Variants in INSYN2B observed in about 807,000 individuals in gnomAD.
INSYN2B encodes inhibitory synaptic factor family member 2B.
A neutral mutation model predicts 41.2 loss-of-function variants in INSYN2B; 16 were observed. The observed-to-expected ratio is 0.39, with a 90% confidence interval of 0.26 to 0.59. INSYN2B has a LOEUF of 0.59. Ranked by LOEUF, INSYN2B falls within the 20% of genes least tolerant of loss-of-function variation. The probability of loss-of-function intolerance (pLI) is 0.57; values close to 1 mark genes in which losing one functional copy is unlikely to be tolerated. For missense variants in INSYN2B, 608 were observed against 646.4 expected, an observed-to-expected ratio of 0.94 and a Z score of 0.64; for synonymous variants, 245 against 244.4, an observed-to-expected ratio of 1.00 and a Z score of -0.02.
intron 1 of INSYN2B, among the ~76,000 whole-genome samples, chr5:169,918,127 C>G (rs1561821919): frequency 6.6e-6 from 1 of 152,194 alleles, no homozygotes; most frequent in Non-Finnish European, 1.5e-5. Flanking sequence ...TTAAAAATAT[C>G]CTGTTCAATT....
At chr5:169,914,288 TC>T (rs1774760263) in intron 1 of INSYN2B, among the ~76,000 whole-genome samples, 1 of 152,216 alleles carries the variant, frequency 6.6e-6, no homozygotes, top group African/African-American at 2.4e-5. Flanking sequence ...CCCCATTCTT[TC>T]TGATTCTTTC....
chr5:169,944,528 C>T (rs537114374), intron 1 of INSYN2B, among the ~76,000 whole-genome samples: 2 of 152,326 alleles, frequency 1.3e-5, no homozygotes, highest in South Asian at 4.1e-4. Context: ...ACCAGGGAGG[C>T]TTTGAAACTC....
chr5:169,932,512 C>A (rs1222039067), intron 1 of INSYN2B, among the ~76,000 whole-genome samples: 2 of 152,148 alleles, frequency 1.3e-5, no homozygotes, highest in Non-Finnish European at 2.9e-5. Context: ...CCTCATGGAG[C>A]CTCAGGAACA....
At position 169,945,683 on chromosome 5, in the gene INSYN2B, C is replaced by G. The variant is rs77468547; in HGVS notation, c.-919+34594G>C. 9.8e-3 allele frequency among the ~76,000 whole-genome samples: 1,485 copies of G among 152,282 alleles called. 75 individuals are homozygous for G. The East Asian group carries it at 0.13, about 14-fold the overall frequency. ...ACACGGGTACTAGGAAGGAGTAGAA[C>G]GGAGGCTGGATGTGCTCCTCCCGCT... On this transcript the variant is annotated intron_variant, in intron 1 of 3. Coordinates refer to ENST00000377365, the MANE Select transcript of INSYN2B (RefSeq NM_001129891.3).
At chr5:169,904,477 G>A (rs1001745510) in intron 1 of INSYN2B, among the ~76,000 whole-genome samples, 2 of 152,122 alleles carry the variant, frequency 1.3e-5, no homozygotes, top group Admixed American at 6.5e-5. Context: ...TAATGGGGGT[G>A]GTGGGGAAGG....
intron 1 of INSYN2B, among the ~76,000 whole-genome samples, chr5:169,891,470 T>C (rs1359849448): frequency 6.6e-6 from 1 of 152,200 alleles, no homozygotes; most frequent in African/African-American, 2.4e-5. Flanking sequence ...TATTTAACGA[T>C]TTTCAAAATT....
chr5:169,909,410 C>T (rs1244131455), intron 1 of INSYN2B, among the ~76,000 whole-genome samples: 1 of 152,058 alleles, frequency 6.6e-6, no homozygotes, highest in Non-Finnish European at 1.5e-5. Flanking sequence ...AGATGCTATC[C>T]AATTTGCAAT....
At chr5:169,901,449 A>C (rs1773918689) in intron 1 of INSYN2B, among the ~76,000 whole-genome samples, 2 of 152,096 alleles carry the variant, frequency 1.3e-5, no homozygotes, top group Admixed American at 6.6e-5. Context: ...GCATGCGTGC[A>C]TGTGTGTGTA....
chr5:169,926,023 C>T (rs997208933), intron 1 of INSYN2B, among the ~76,000 whole-genome samples: 10 of 152,140 alleles, frequency 6.6e-5, no homozygotes, highest in Admixed American at 3.9e-4. Flanking sequence ...GGCAGGATGT[C>T]GTCAGCTCTG....
At chr5:169,976,554 T>C (rs1319293852) in intron 1 of INSYN2B, among the ~76,000 whole-genome samples, 1 of 152,136 alleles carries the variant, frequency 6.6e-6, no homozygotes, top group Admixed American at 6.5e-5. Context: ...CATCTCATCA[T>C]ATACTTTAGA....
At chr5:169,872,100 G>A (rs186622688) in intron 3 of INSYN2B, among the ~76,000 whole-genome samples, 55 of 152,228 alleles carry the variant, frequency 3.6e-4, no homozygotes, top group East Asian at 2.3e-3. Flanking sequence ...GATTCATGGC[G>A]TCTCCCTGAA....
At chr5:169,880,525 T>G (rs954561272) in intron 3 of INSYN2B, among the ~76,000 whole-genome samples, 1 of 152,254 alleles carries the variant, frequency 6.6e-6, no homozygotes, top group African/African-American at 2.4e-5. Context: ...CGGAAATTAC[T>G]GCTTTTGACC....
chr5:169,912,846 T>A (rs73325979), intron 1 of INSYN2B, among the ~76,000 whole-genome samples: 3,214 of 152,242 alleles, frequency 0.021, 99 homozygotes, highest in African/African-American at 0.068. Context: ...TACTTCTTTT[T>A]TTTTTCAATC....
intron 1 of INSYN2B, among the ~76,000 whole-genome samples, chr5:169,904,508 G>C (rs1774158675): frequency 6.6e-6 from 1 of 152,110 alleles, no homozygotes; most frequent in African/African-American, 2.4e-5. Context: ...GCAGGGGAGG[G>C]CCTGAGGGAG....
chr5:169,949,898 A>G (rs1776592202), intron 1 of INSYN2B, among the ~76,000 whole-genome samples: 2 of 152,056 alleles, frequency 1.3e-5, no homozygotes, highest in Admixed American at 6.5e-5. Context: ...TGCTCATATC[A>G]GTTAGTAACT....
chr5:169,893,460 CTG>C (rs1561801924), intron 1 of INSYN2B, among the ~76,000 whole-genome samples: 2 of 143,708 alleles, frequency 1.4e-5, no homozygotes, highest in Non-Finnish European at 3.0e-5. Context: ...CACTACATAA[CTG>C]GGGACATTTT....
In INSYN2B at chr5:169,864,227, A is replaced by G. The variant is rs1771390491; in HGVS notation, c.*46T>C. ...TTAAGTGCAGTGGATTTCCCATCTCAGGGAAGTGCGTGGAGTTGGGGGGCT... is the reference window on the plus strand; with the variant it reads ...TTAAGTGCAGTGGATTTCCCATCTCGGGGAAGTGCGTGGAGTTGGGGGGCT... On this transcript the variant is annotated 3_prime_UTR_variant, in exon 4 of 4. Coordinates refer to ENST00000377365, the MANE Select transcript of INSYN2B (RefSeq NM_001129891.3). 2.0e-6 allele frequency: 3 copies of G among 1,480,866 alleles called. No individual in the cohort carries two copies. Among genetic ancestry groups the G allele is most frequent in the East Asian group, 4.9e-5 (2 of 40,630 alleles). The allele number at this position is 1,480,866 out of a possible 1,614,324, so 91.7% of individuals were successfully genotyped here. A position where few individuals can be genotyped will look rare whatever the true frequency, so the allele number is the denominator to read the frequency against.
chr5:169,876,031 C>G (rs1201150706), intron 3 of INSYN2B, among the ~76,000 whole-genome samples: 2 of 152,212 alleles, frequency 1.3e-5, no homozygotes, highest in Non-Finnish European at 2.9e-5. Context: ...TCTGGAGGCT[C>G]TAGGAGAGAA....
intron 1 of INSYN2B, among the ~76,000 whole-genome samples, chr5:169,915,096 T>C (rs1774805174): frequency 6.6e-6 from 1 of 152,134 alleles, no homozygotes; most frequent in Admixed American, 6.5e-5. Context: ...GGCCTTGATG[T>C]TGAGGCCCCA....
Sources: gnomAD v4.1 joint callset for allele counts (sites outside exome capture counted in the v4.1 genomes callset) on GRCh38, gnomAD v4.1.1 for gene constraint, MANE v1.5 for transcripts, NCBI Gene and HGNC (gene_info 2026-07-23, HGNC 2026-07-21) for gene names.